Variants in RPIA observed in about 807,000 individuals in gnomAD.
RPIA encodes ribose 5-phosphate isomerase A.
Under a neutral mutation model 37.8 loss-of-function variants are expected in RPIA, and 29 were observed. The ratio of observed to expected loss-of-function variants is 0.77; its 90% CI spans 0.57 to 1.05. RPIA has a LOEUF of 1.05. RPIA is among the 50% of genes least tolerant of loss of function. The pLI is 0.00. For missense variants in RPIA, 385 were observed against 413.6 expected (o/e 0.93, Z 0.60); for synonymous variants, 167 against 157.0 (o/e 1.06, Z -0.48).
At chr2:88,737,036 GT>G (rs1483921033) in intron 7 of RPIA, among the ~76,000 whole-genome samples, 1 of 152,094 alleles carries the variant, frequency 6.6e-6, no homozygotes, top group African/African-American at 2.4e-5. Context: ...GGAACAGAAA[GT>G]TTTTTAGGTT....
chr2:88,734,247 A>C (rs1035230418), intron 4 of RPIA, among the ~76,000 whole-genome samples: 1 of 152,128 alleles, frequency 6.6e-6, no homozygotes. Context: ...GATAGCACCC[A>C]CACTGAGAAC....
At chr2:88,749,906 TG>T in intron 8 of RPIA, 74 bp from the exon 9 acceptor site, 1 of 986,718 alleles carries the variant, frequency 1.0e-6, no homozygotes, top group Non-Finnish European at 1.6e-6. Flanking sequence ...TTGCTTCTAG[TG>T]ACCCTGCAGT....
At position 88,729,774 on chromosome 2, in the gene RPIA, A is replaced by G. The variant is rs1673243743; in HGVS notation, c.462+437A>G. Among the ~76,000 whole-genome samples the G allele has an allele frequency of 2.3e-4, 3 of 13,094 alleles. 1 individual carries two copies. Among genetic ancestry groups the G allele is most frequent in the Non-Finnish European group, 5.1e-4 (3 of 5,916 alleles). 8.6% of individuals were successfully genotyped at this position (13,094 alleles called of 152,430 possible). A position where few individuals can be genotyped will look rare whatever the true frequency, so the allele number is the denominator to read the frequency against. ...ACACAAAAAACCCTTCAAAAAATCA[A>G]TGAATCCAGGAGCTGGTTTTTTGAA... On this transcript the variant is annotated intron_variant, in intron 4 of 8. Transcript: ENST00000283646.
At chr2:88,734,451 T>C (rs1673290836) in intron 4 of RPIA, 101 bp from the exon 5 acceptor site, 1 of 1,116,104 alleles carries the variant, frequency 9.0e-7, no homozygotes. Flanking sequence ...TAGAATTAGC[T>C]AACAGGGCTG....
At chr2:88,692,233 G>C (rs1478913246) in intron 1 of RPIA, among the ~76,000 whole-genome samples, 3 of 152,232 alleles carry the variant, frequency 2.0e-5, no homozygotes, top group Non-Finnish European at 2.9e-5. Context: ...TGTCCAGCTG[G>C]AACAGTTTGC....
At chr2:88,734,708 T>A (rs1441208647) in intron 5 of RPIA, 92 bp downstream of exon 5, 1 of 1,320,238 alleles carries the variant, frequency 7.6e-7, no homozygotes, top group Non-Finnish European at 1.1e-6. Flanking sequence ...ATTGCCACTG[T>A]GACATATGCA....
intron 8 of RPIA, among the ~76,000 whole-genome samples, chr2:88,745,322 T>C (rs1432393107): frequency 6.6e-6 from 1 of 152,238 alleles, no homozygotes; most frequent in African/African-American, 2.4e-5. Context: ...ATCATGGTAG[T>C]TGTCTCCTGG....
intron 3 of RPIA, among the ~76,000 whole-genome samples, chr2:88,711,606 CTTAA>C (rs1672963065): frequency 6.6e-6 from 1 of 152,136 alleles, no homozygotes; most frequent in South Asian, 2.1e-4. Flanking sequence ...GTGCCAGAGT[CTTAA>C]TTAATTCTCC....
At chr2:88,713,151 GCC>G (rs1672985090) in intron 3 of RPIA, among the ~76,000 whole-genome samples, 1 of 79,110 alleles carries the variant, frequency 1.3e-5, no homozygotes, top group Non-Finnish European at 2.4e-5. Context: ...CTACGAGTAG[GCC>G]TTTTTTTTTT....
chr2:88,736,892 C>T (rs897770247), intron 7 of RPIA, among the ~76,000 whole-genome samples: 1 of 152,168 alleles, frequency 6.6e-6, no homozygotes, highest in Non-Finnish European at 1.5e-5. Flanking sequence ...CAGTGCATCT[C>T]CTTTGTACAG....
intron 1 of RPIA, among the ~76,000 whole-genome samples, chr2:88,698,216 G>A (rs375374561): frequency 4.0e-4 from 61 of 152,024 alleles, no homozygotes; most frequent in African/African-American, 1.4e-3. Flanking sequence ...CCAATTATTT[G>A]GTAGAATGTA....
intron 3 of RPIA, among the ~76,000 whole-genome samples, chr2:88,724,414 C>G (rs1038739604): frequency 2.0e-5 from 3 of 152,064 alleles, no homozygotes; most frequent in Non-Finnish European, 4.4e-5. Flanking sequence ...TCAAGTGATT[C>G]TAATGCCTCA....
At chr2:88,701,632 C>A (rs1034634513) in intron 3 of RPIA, among the ~76,000 whole-genome samples, 1 of 258 alleles carries the variant, frequency 3.9e-3, no homozygotes, top group Non-Finnish European at 6.8e-3. Context: ...TTCTAACAGC[C>A]ACTATAGATT....
chr2:88,744,245 T>C (rs202121837), intron 8 of RPIA, among the ~76,000 whole-genome samples: 102 of 139,998 alleles, frequency 7.3e-4, no homozygotes, highest in African/African-American at 1.2e-3. Flanking sequence ...AATTTCCATC[T>C]TGATTTCATT....
At chr2:88,727,112 CGCGTGCATGTGT>C (rs1558696951) in intron 3 of RPIA, among the ~76,000 whole-genome samples, 1 of 151,910 alleles carries the variant, frequency 6.6e-6, no homozygotes, top group African/African-American at 2.4e-5. Flanking sequence ...CGCATGTGTG[CGCGTGCATGTGT>C]GCGCATGCGA....
At chr2:88,728,637 C>T (rs898635646) in intron 3 of RPIA, among the ~76,000 whole-genome samples, 4 of 152,154 alleles carry the variant, frequency 2.6e-5, no homozygotes, top group Admixed American at 1.3e-4. Flanking sequence ...AATTTGATGG[C>T]TGTAACCACT....
intron 8 of RPIA, among the ~76,000 whole-genome samples, chr2:88,743,788 A>G (rs1273504948): frequency 6.6e-6 from 1 of 151,916 alleles, no homozygotes; most frequent in African/African-American, 2.4e-5. Context: ...CAGATTTTCT[A>G]GTTCATGCAC....
intron 4 of RPIA, among the ~76,000 whole-genome samples, chr2:88,729,801 G>A (rs1673243871): frequency 7.1e-5 from 1 of 14,130 alleles, no homozygotes; most frequent in Non-Finnish European, 1.5e-4. Flanking sequence ...TTTTTTGAAA[G>A]GATCAACAAA....
chr2:88,691,694 T>TC lies in RPIA; in HGVS notation c.-4dup, dbSNP rs1265142189. On this transcript the variant is annotated 5_prime_UTR_variant, in exon 1 of 9. Coordinates refer to ENST00000283646, the MANE Select transcript of RPIA (RefSeq NM_144563.3). The stretch of plus-strand genomic sequence containing the variant: ...CTTCAGCGGAGGCCGGAGCGAGGCG[T>TC]CGGGATGCAGCGCCCCGGGCCCTTC... 6.4e-7 allele frequency: 1 copy of TC among 1,568,376 alleles called. No homozygotes were observed. Among genetic ancestry groups the TC allele is most frequent in the Non-Finnish European group, 8.6e-7 (1 of 1,166,130 alleles).
Sources: allele counts gnomAD v4.1 joint callset (sites outside exome capture counted in the v4.1 genomes callset), GRCh38; gene constraint gnomAD v4.1.1; transcripts MANE v1.5; gene names NCBI Gene and HGNC (gene_info 2026-07-23, HGNC 2026-07-21).